Variants in OXSM observed in about 807,000 individuals in gnomAD.
OXSM encodes the protein 3-oxoacyl-ACP synthase, mitochondrial, also known as 3-oxoacyl-[acyl-carrier-protein] synthase, mitochondrial.
OXSM carries 19 observed loss-of-function variants against 29.2 expected under a neutral mutation model. The observed-to-expected ratio is 0.65, with a 90% CI of 0.45 to 0.96. The LOEUF (loss-of-function observed/expected upper bound fraction) is 0.96. Ranked by LOEUF, OXSM falls within the 40% of genes least tolerant of loss-of-function variation. The probability of loss-of-function intolerance (pLI) is 0.00; values close to 1 mark genes in which losing one functional copy is unlikely to be tolerated. For synonymous variants in OXSM, 178 were observed against 197.1 expected (o/e 0.90, Z 0.81); for missense variants, 554 against 551.3 (o/e 1.00, Z -0.05).
chr3:25,791,950 T>C lies in OXSM; in HGVS notation c.930T>C (p.Asp310=). Residue 310 remains aspartate, a synonymous_variant, in exon 2 of 3, where the codon GAT becomes GAC. Transcript: ENST00000280701. ...TTTTGGGCTATGGACTCTCAGGTGA[T>C]GCTGGTCACATAACTGCCCCTGATC... ...AEVLGYGLSG[D]AGHITAPDPE... is the part of the protein sequence containing the mutation. 6.2e-7 allele frequency: 1 copy of C among 1,600,528 alleles called. No homozygotes were observed.
chr3:25,792,747 T>C (rs796105787), intron 2 of OXSM, among the ~76,000 whole-genome samples: 9 of 152,338 alleles, frequency 5.9e-5, no homozygotes, highest in African/African-American at 2.2e-4. Context: ...GTTTAAGGAC[T>C]ACATTTAAGT....
intron 2 of OXSM, 68 bp from the exon 3 acceptor site, chr3:25,794,024 A>G: frequency 2.9e-6 from 4 of 1,390,418 alleles, no homozygotes; most frequent in South Asian, 2.8e-5. Flanking sequence ...CACATAAGCC[A>G]TACAGATAAA....
intron 1 of OXSM, 67 bp from the exon 2 acceptor site, chr3:25,790,923 A>G: frequency 8.6e-7 from 1 of 1,167,358 alleles, no homozygotes; most frequent in Non-Finnish European, 1.2e-6. Context: ...AACACCTTGG[A>G]TGTTTTTCCT....
Position 25,791,504 on chromosome 3 carries a change from G to A in OXSM, c.484G>A (p.Glu162Lys), listed in dbSNP as rs765195571. The change falls in exon 2 of 3, where the codon GAA becomes AAA. Residue 162 changes from glutamate to lysine, a missense_variant. By Grantham distance (56) the Glu-to-Lys change is moderately conservative (BLOSUM62 1). Coordinates refer to ENST00000280701, the MANE Select transcript of OXSM (RefSeq NM_017897.3). Reference sequence around the variant, plus strand: ...AATGATTCCTCTTGAAGTTGTTTCTGAAACTGCTTTGAATTTTCAGACAAA... The same window carrying A: ...AATGATTCCTCTTGAAGTTGTTTCTAAAACTGCTTTGAATTTTCAGACAAA... ...MGMIPLEVVS[E>K]TALNFQTKGY... 1 of 1,614,066 alleles carries A rather than the reference G, an allele frequency of 6.2e-7. No individual in the cohort carries two copies. Among genetic ancestry groups the A allele is most frequent in the Non-Finnish European group, 8.5e-7 (1 of 1,180,044 alleles).
Position 25,791,456 on chromosome 3 carries a change from A to G in OXSM, c.436A>G (p.Thr146Ala), listed in dbSNP as rs150601765. The change falls in exon 2 of 3, where the codon ACT becomes GCT. Residue 146 changes from threonine to alanine, a missense_variant. Physicochemically the swap from Thr to Ala is moderately conservative, Grantham distance 58 (BLOSUM62 0). Transcript: ENST00000280701. ...TCAGTCAGAAGCTGATCAAGTGGCT[A>G]CTGGTGTTGCAATTGGCATGGGAAT... ...HPQSEADQVA[T>A]GVAIGMGMIP... is the part of the protein sequence containing the mutation. The G allele has an allele frequency of 5.6e-6, 9 of 1,614,164 alleles. No individual in the cohort carries two copies. Among genetic ancestry groups the G allele is most frequent in the Middle Eastern group, 1.6e-4 (1 of 6,062 alleles).
intron 2 of OXSM, 74 bp from the exon 3 acceptor site, chr3:25,794,018 T>A: frequency 1.5e-6 from 2 of 1,317,308 alleles, no homozygotes; most frequent in Non-Finnish European, 2.1e-6. Flanking sequence ...TTGTTTCACA[T>A]AAGCCATACA....
At position 25,791,522 on chromosome 3, in the gene OXSM, CA is replaced by C. The variant is rs769399379; in HGVS notation, c.503del (p.Gln168ArgfsTer56). 1 of 1,614,058 alleles carries C rather than the reference CA, an allele frequency of 6.2e-7. No homozygotes were observed. The highest frequency in any genetic ancestry group is 1.3e-5 in the African/African-American group (1 of 74,932). On this transcript the variant is annotated frameshift_variant, in exon 2 of 3. Transcript: ENST00000280701. LOFTEE classifies it high-confidence loss of function. ...EVVSETALNF[Q>X]TKGYNKVSPF... ...TGTTTCTGAAACTGCTTTGAATTTT[CA>C]GACAAAAGGTTACAATAAAGTTAGC...
Position 25,791,430 on chromosome 3 carries a change from CTCAG to C in OXSM, c.415_418del (p.Ser139LysfsTer15), listed in dbSNP as rs1345734047. 6.2e-7 allele frequency: 1 copy of C among 1,614,110 alleles called. No individual in the cohort carries two copies. Among genetic ancestry groups the C allele is most frequent in the Non-Finnish European group, 8.5e-7 (1 of 1,179,946 alleles). On this transcript the variant is annotated frameshift_variant, in exon 2 of 3. Transcript: ENST00000280701. LOFTEE classifies it high-confidence loss of function. ...GCCATGAAGGATTCTGGCTGGCATCCTCAGTCAGAAGCTGATCAAGTGGCTACTG... is the reference window on the plus strand; with the variant it reads ...GCCATGAAGGATTCTGGCTGGCATCCTCAGAAGCTGATCAAGTGGCTACTG...
rs757594449 is a variant in OXSM at position 25,791,945 on chromosome 3, G to A, written c.925G>A (p.Gly309Ser). The A allele has an allele frequency of 5.6e-6, 9 of 1,600,586 alleles. No individual in the cohort carries two copies. In the South Asian group the frequency reaches 9.9e-5, roughly 18 times the overall value. ...AGAAGTTTTGGGCTATGGACTCTCAGGTGATGCTGGTCACATAACTGCCCC... is the reference window on the plus strand; with the variant it reads ...AGAAGTTTTGGGCTATGGACTCTCAAGTGATGCTGGTCACATAACTGCCCC... ...YAEVLGYGLSGDAGHITAPDP... is the reference protein window; with the variant it reads ...YAEVLGYGLSSDAGHITAPDP... Residue 309 changes from glycine to serine, a missense_variant, in exon 2 of 3, where the codon GGT becomes AGT. Physicochemically the swap from Gly to Ser is moderately conservative, Grantham distance 56 (BLOSUM62 0). Transcript: ENST00000280701.
chr3:25,790,907 C>A, intron 1 of OXSM, 83 bp from the exon 2 acceptor site: 1 of 1,003,438 alleles, frequency 1.0e-6, no homozygotes, highest in South Asian at 1.6e-5. Context: ...ATCAAGCACC[C>A]AAAGGAACAC....
rs750328238 is a variant in OXSM, at chr3:25,791,757, C to T, written c.737C>T (p.Ala246Val). Residue 246 changes from alanine (A) to valine (V), a missense_variant, in exon 2 of 3, where the codon GCT becomes GTT. By Grantham distance (64) the Ala-to-Val change is moderately conservative. Transcript: ENST00000280701. ...TDSCISPLSL[A>V]GFSRARALST... ...TCTTGTATTAGCCCTTTATCTCTTG[C>T]TGGGTTTTCCAGAGCCCGGGCTCTG... 4 of 1,614,116 alleles carry T rather than the reference C, an allele frequency of 2.5e-6. No homozygotes were observed. In the Admixed American group the frequency reaches 6.7e-5, roughly 27 times the overall value.
In OXSM at chr3:25,791,333, A is replaced by G. The variant is rs756628632; in HGVS notation, c.313A>G (p.Asn105Asp). The G allele has an allele frequency of 6.2e-7, 1 of 1,614,142 alleles. No homozygotes were observed. The highest frequency in any genetic ancestry group is 8.5e-7 in the Non-Finnish European group (1 of 1,179,998). ...TGATGAAGGTCAGTTCAATGAACAA[A>G]ACTTTGTGTCCAAATCAGATATCAA... ...GSDEGQFNEQNFVSKSDIKSM... is the reference protein window; with the variant it reads ...GSDEGQFNEQDFVSKSDIKSM... The change falls in exon 2 of 3, where the codon AAC becomes GAC. Residue 105 changes from asparagine (N) to aspartate (D), a missense_variant. Coordinates refer to ENST00000280701, the MANE Select transcript of OXSM (RefSeq NM_017897.3).
intron 2 of OXSM, among the ~76,000 whole-genome samples, chr3:25,792,887 A>G (rs1708791925): frequency 6.6e-6 from 1 of 152,240 alleles, no homozygotes; most frequent in Non-Finnish European, 1.5e-5. Context: ...TAAATTAGCC[A>G]GAGTTAGCAA....
chr3:25,790,363 C>T (rs1460335330), intron 1 of OXSM: 1 of 173,998 alleles, frequency 5.7e-6, no homozygotes, highest in South Asian at 1.3e-4. Context: ...CTTCGTAGTA[C>T]CCTTGAAGTG....
Position 25,791,103 on chromosome 3 carries a change from A to C in OXSM, c.83A>C (p.Lys28Thr), listed in dbSNP as rs780356539. 2.0e-5 allele frequency: 32 copies of C among 1,614,088 alleles called. No homozygotes were observed. The Admixed American group carries it at 5.3e-4, about 27-fold the overall frequency. ...AGATTATGCCAACAGTTAAGAAGTA[A>C]AAGGAAGTTTTTCGGAACTGTGCCA... ...CSRLCQQLRS[K>T]RKFFGTVPIS... Residue 28 changes from lysine (K) to threonine (T), a missense_variant, in exon 2 of 3, where the codon AAA becomes ACA. By Grantham distance (78) the Lys-to-Thr change is moderately conservative (BLOSUM62 -1). Transcript: ENST00000280701.
chr3:25,794,162 A>G lies in OXSM; in HGVS notation c.1048A>G (p.Thr350Ala). The part of the protein sequence containing the change: ...EEISYINAHA[T>A]STPLGDAAEN... ...GATATCCTATATCAATGCACATGCT[A>G]CTTCCACACCATTGGGAGATGCTGC... Residue 350 changes from threonine to alanine, a missense_variant, in exon 3 of 3, where the codon ACT (threonine) becomes GCT (alanine). Coordinates refer to ENST00000280701, the MANE Select transcript of OXSM (RefSeq NM_017897.3). 2 of 1,614,192 alleles carry G rather than the reference A, an allele frequency of 1.2e-6. No individual in the cohort carries two copies. Among genetic ancestry groups the G allele is most frequent in the Admixed American group, 1.7e-5 (1 of 60,030 alleles).
At chr3:25,793,044 C>T (rs2125341738) in intron 2 of OXSM, among the ~76,000 whole-genome samples, 1 of 152,222 alleles carries the variant, frequency 6.6e-6, no homozygotes, top group Non-Finnish European at 1.5e-5. Flanking sequence ...TCCAATGAAA[C>T]TATTTACAAA....
chr3:25,791,459 G>C lies in OXSM; in HGVS notation c.439G>C (p.Gly147Arg). ...GTCAGAAGCTGATCAAGTGGCTACT[G>C]GTGTTGCAATTGGCATGGGAATGAT... ...PQSEADQVAT[G>R]VAIGMGMIPL... Residue 147 changes from glycine (G) to arginine (R), a missense_variant, in exon 2 of 3, where the codon GGT becomes CGT. By Grantham distance (125) the Gly-to-Arg change is moderately radical. Transcript: ENST00000280701. The C allele has an allele frequency of 6.2e-7, 1 of 1,614,124 alleles. No individual in the cohort carries two copies. Among genetic ancestry groups the C allele is most frequent in the Admixed American group, 1.7e-5 (1 of 60,020 alleles).
rs756435617 is a variant in OXSM at position 25,791,839 on chromosome 3, T to C, written c.819T>C (p.Gly273=). The part of the protein sequence containing the change: ...ACRPFHPKRD[G]FVMGEGAAVL... ...GACCATTTCATCCAAAGAGAGATGG[T>C]TTTGTAATGGGAGAAGGTGCAGCTG... is the stretch of plus-strand genomic sequence containing the variant. The change falls in exon 2 of 3, where the codon GGT becomes GGC. Residue 273 remains glycine, a synonymous_variant. Transcript: ENST00000280701. 6.2e-7 allele frequency: 1 copy of C among 1,613,840 alleles called. No homozygotes were observed. Among genetic ancestry groups the C allele is most frequent in the Non-Finnish European group, 8.5e-7 (1 of 1,179,998 alleles).
Sources: gnomAD v4.1 joint callset for allele counts (sites outside exome capture counted in the v4.1 genomes callset) on GRCh38, gnomAD v4.1.1 for gene constraint, MANE v1.5 for transcripts, NCBI Gene and HGNC (gene_info 2026-07-23, HGNC 2026-07-21) for gene names.